The following DGCR2 variants were observed in gnomAD, a reference collection of about 807,000 sequenced individuals.
DGCR2 encodes DiGeorge syndrome critical region gene 2.
DGCR2 carries 24 observed loss-of-function variants against 51.6 expected under a neutral mutation model. The ratio of observed to expected loss-of-function variants is 0.47; its 90% CI spans 0.34 to 0.65. DGCR2 has a LOEUF of 0.65. Among genes scored for constraint, DGCR2 ranks in the 30% least tolerant of loss-of-function variants. The pLI is 0.01. For missense variants in DGCR2, 765 were observed against 772.1 expected, an observed-to-expected ratio of 0.99 and a Z score of 0.11; for synonymous variants, 340 against 315.4, an observed-to-expected ratio of 1.08 and a Z score of -0.82.
At chr22:19,047,854 TATC>T (rs2146311418) in intron 7 of DGCR2, 1 of 155,364 alleles carries the variant, frequency 6.4e-6, no homozygotes, top group South Asian at 2.0e-4. Flanking sequence ...CTACCCTCCA[TATC>T]ATCATACTAG....
chr22:19,056,702 A>G (rs968542261), intron 6 of DGCR2, among the ~76,000 whole-genome samples: 1 of 152,058 alleles, frequency 6.6e-6, no homozygotes, highest in Admixed American at 6.6e-5. Context: ...CCTCATTCCC[A>G]TTTACTCTCT....
At chr22:19,097,049 A>AT (rs2083149305) in intron 1 of DGCR2, among the ~76,000 whole-genome samples, 1 of 152,126 alleles carries the variant, frequency 6.6e-6, no homozygotes, top group South Asian at 2.1e-4. Context: ...GTAAGAAGTA[A>AT]TAAGTAACAA....
intron 5 of DGCR2, among the ~76,000 whole-genome samples, chr22:19,059,570 A>C (rs2082638293): frequency 6.6e-6 from 1 of 152,002 alleles, no homozygotes; most frequent in Non-Finnish European, 1.5e-5. Flanking sequence ...CCTCGTGCAG[A>C]GCCCTCCTCT....
At chr22:19,107,747 G>C (rs2083273538) in intron 1 of DGCR2, among the ~76,000 whole-genome samples, 1 of 152,208 alleles carries the variant, frequency 6.6e-6, no homozygotes. Context: ...GTTCGGGCAG[G>C]AGGGGCTACA....
chr22:19,085,068 C>A lies in DGCR2; in HGVS notation c.202+4300G>T, dbSNP rs1304311634. ...AAAGAAGTAGACATGGGAGACTTTTCATTTTGTTCTGTACTAAGAAAAATT... is the reference window on the plus strand; with the variant it reads ...AAAGAAGTAGACATGGGAGACTTTTAATTTTGTTCTGTACTAAGAAAAATT... On this transcript the variant is annotated intron_variant, in intron 2 of 9. Coordinates refer to ENST00000263196, the MANE Select transcript of DGCR2 (RefSeq NM_005137.3). 2.1e-4 allele frequency among the ~76,000 whole-genome samples: 31 copies of A among 144,958 alleles called. 1 individual carries two copies. The highest frequency in any genetic ancestry group is 2.8e-4 in the Admixed American group (4 of 14,510).
rs914309307 is a variant in DGCR2, at chr22:19,082,633, C to T, written c.202+6735G>A. Among the ~76,000 whole-genome samples, 27 of 152,074 alleles carry T rather than the reference C, an allele frequency of 1.8e-4. No homozygotes were observed. In the East Asian group the frequency reaches 3.9e-3, roughly 22 times the overall value. ...AGCGTGGTGGCAGATGCCTGTAATC[C>T]CAGCTACTCGGGAGGCTGAGGCAGG... On this transcript the variant is annotated intron_variant, in intron 2 of 9. Coordinates refer to ENST00000263196, the MANE Select transcript of DGCR2 (RefSeq NM_005137.3).
chr22:19,062,965 G>C (rs1321215252), intron 5 of DGCR2, among the ~76,000 whole-genome samples: 1 of 152,136 alleles, frequency 6.6e-6, no homozygotes, highest in Non-Finnish European at 1.5e-5. Flanking sequence ...AATCTAGAAA[G>C]CTGGCCAAAG....
chr22:19,099,039 T>C (rs550058763), intron 1 of DGCR2, among the ~76,000 whole-genome samples: 16 of 152,292 alleles, frequency 1.1e-4, no homozygotes, highest in Admixed American at 7.8e-4. Flanking sequence ...AGTTCTCCAA[T>C]AGGGAAGGTT....
In DGCR2 at chr22:19,063,818, T is replaced by C. The variant is rs889270927; in HGVS notation, c.549-540A>G. Among the ~76,000 whole-genome samples the C allele has an allele frequency of 2.0e-5, 3 of 152,214 alleles. No individual in the cohort carries two copies. In the East Asian group the frequency reaches 5.8e-4, roughly 29 times the overall value. ...ATTTAAGCAAGAACAATCTTATTCT[T>C]GGTAGACATGAAACCCCATGAATAC... On this transcript the variant is annotated intron_variant, in intron 4 of 9. Transcript: ENST00000263196.
chr22:19,084,584 T>C (rs2082987135), intron 2 of DGCR2, among the ~76,000 whole-genome samples: 1 of 141,004 alleles, frequency 7.1e-6, no homozygotes, highest in Non-Finnish European at 1.5e-5. Flanking sequence ...GTCTGAGAAG[T>C]GAGGAGCCCC....
intron 1 of DGCR2, chr22:19,121,772 G>C (rs1278761750): frequency 5.7e-6 from 1 of 175,850 alleles, no homozygotes; most frequent in Non-Finnish European, 1.2e-5. Context: ...GCCACTGCTG[G>C]GAGGACGTCT....
Position 19,064,887 on chromosome 22 carries a change from T to A in DGCR2, c.509A>T (p.Asp170Val), listed in dbSNP as rs752335162. The A allele has an allele frequency of 7.4e-6, 12 of 1,613,838 alleles. No homozygotes were observed. The Admixed American group carries it at 2.0e-4, about 27-fold the overall frequency. Residue 170 changes from aspartate to valine, a missense_variant, in exon 4 of 10, where the codon GAC (aspartate) becomes GTC (valine). Asp to Val is a radical substitution (Grantham distance 152). Transcript: ENST00000263196. ...ELRFVLAQEW[D>V]QPERSFGWKD... Reference sequence around the variant, plus strand: ...CCAACCAAAGCTCCGCTCGGGCTGGTCCCATTCCTGGGCCAGGACAAAGCG... The same window carrying A: ...CCAACCAAAGCTCCGCTCGGGCTGGACCCATTCCTGGGCCAGGACAAAGCG...
At chr22:19,103,717 C>T (rs1264913740) in intron 1 of DGCR2, among the ~76,000 whole-genome samples, 11 of 138,336 alleles carry the variant, frequency 8.0e-5, no homozygotes, top group African/African-American at 2.9e-4. Context: ...CGTGAGCCAC[C>T]GTGCCCGGCC....
intron 6 of DGCR2, chr22:19,056,586 G>T: frequency 2.7e-6 from 1 of 368,828 alleles, no homozygotes; most frequent in Non-Finnish European, 5.0e-6. Flanking sequence ...CCATAGACTG[G>T]CAAGGTAAAC....
At chr22:19,088,793 G>A (rs2146011550) in intron 2 of DGCR2, among the ~76,000 whole-genome samples, 1 of 152,250 alleles carries the variant, frequency 6.6e-6, no homozygotes, top group Admixed American at 6.5e-5. Context: ...TTATTCATGG[G>A]GTGCCCTGTA....
At chr22:19,071,496 T>G (rs1329475288) in intron 2 of DGCR2, among the ~76,000 whole-genome samples, 1 of 151,774 alleles carries the variant, frequency 6.6e-6, no homozygotes, top group African/African-American at 2.4e-5. Flanking sequence ...AAAAAAAGTC[T>G]CACCTGAAGC....
At chr22:19,067,891 G>A (rs1246998256) in intron 3 of DGCR2, among the ~76,000 whole-genome samples, 1 of 152,156 alleles carries the variant, frequency 6.6e-6, no homozygotes, top group Non-Finnish European at 1.5e-5. Flanking sequence ...CTCAGAGCCG[G>A]TTGACTTCCT....
In DGCR2 at chr22:19,057,010, T is replaced by C; in HGVS notation, c.778A>G (p.Lys260Glu). 6.3e-7 allele frequency: 1 copy of C among 1,590,714 alleles called. No individual in the cohort carries two copies. Among genetic ancestry groups the C allele is most frequent in the Non-Finnish European group, 8.6e-7 (1 of 1,168,368 alleles). The change falls in exon 6 of 10, where the codon AAG becomes GAG. Residue 260 changes from lysine (K) to glutamate (E), a missense_variant. This residue lies in a region of DGCR2 where 190 missense variants were observed against 265.2 expected (regional missense o/e 0.72). Transcript: ENST00000263196. The surrounding 1 kb of genome is among the most constrained non-coding windows in gnomAD (Gnocchi z 5.1). Reference sequence around the variant, plus strand: ...CTTCTTTTACACAGAAATGAAGACTTCTCGTAGCAGCTCTCGGCGTGCCAG... The same window carrying C: ...CTTCTTTTACACAGAAATGAAGACTCCTCGTAGCAGCTCTCGGCGTGCCAG... Reference protein sequence around the residue: ...HSWHAESCYEKSSFLCKRSQT... With the variant: ...HSWHAESCYEESSFLCKRSQT...
Position 19,057,221 on chromosome 22 carries a change from G to A in DGCR2, c.626-59C>T. On this transcript the variant is annotated intron_variant, in intron 5 of 9. Coordinates refer to ENST00000263196, the MANE Select transcript of DGCR2 (RefSeq NM_005137.3). The surrounding 1 kb of genome is among the most constrained non-coding windows in gnomAD (Gnocchi z 5.1). ...ATCACATCAGAGGACAAGCTGTGCA[G>A]TCCTCAAGGGGACCATGGCGTCAGA... The A allele has an allele frequency of 6.7e-7, 1 of 1,481,516 alleles. No individual in the cohort carries two copies. Among genetic ancestry groups the A allele is most frequent in the Non-Finnish European group, 9.1e-7 (1 of 1,101,994 alleles). The allele number at this position is 1,481,516 out of a possible 1,614,324, so 91.8% of individuals were successfully genotyped here. A position where few individuals can be genotyped will look rare whatever the true frequency, so the allele number is the denominator to read the frequency against.
Sources: gnomAD v4.1 joint callset for allele counts (sites outside exome capture counted in the v4.1 genomes callset) on GRCh38, gnomAD v4.1.1 for gene constraint, gnomAD v4.1.1 regional missense constraint, Gnocchi (gnomAD v3.1) non-coding constraint, MANE v1.5 for transcripts, NCBI Gene and HGNC (gene_info 2026-07-23, HGNC 2026-07-21) for gene names.